The following ADAMTSL3 variants were observed in gnomAD, a reference collection of about 807,000 sequenced individuals.
ADAMTSL3 encodes the protein ADAMTS like 3.
Under a neutral mutation model 201.7 loss-of-function variants are expected in ADAMTSL3, and 128 were observed. That is an observed-to-expected ratio of 0.63 (90% CI 0.55 to 0.73). ADAMTSL3 has a LOEUF of 0.73. Ranked by LOEUF, ADAMTSL3 falls within the 30% of genes least tolerant of loss-of-function variation. The pLI is 0.00. For synonymous variants in ADAMTSL3, 738 were observed against 748.4 expected (o/e 0.99, Z 0.23); for missense variants, 1,990 against 2,119.6 (o/e 0.94, Z 1.20).
chr15:83,833,345 G>A (rs1211420814), intron 6 of ADAMTSL3, among the ~76,000 whole-genome samples: 1 of 152,174 alleles, frequency 6.6e-6, no homozygotes, highest in Non-Finnish European at 1.5e-5. Context: ...CTGGTTCATA[G>A]AGGCTGTGTC....
At chr15:83,905,989 A>G (rs1443803651) in intron 15 of ADAMTSL3, among the ~76,000 whole-genome samples, 1 of 151,994 alleles carries the variant, frequency 6.6e-6, no homozygotes, top group Non-Finnish European at 1.5e-5. Context: ...CACATGTAAT[A>G]TGTAATCTCA....
At chr15:83,905,752 C>T (rs1351785815) in intron 15 of ADAMTSL3, among the ~76,000 whole-genome samples, 3 of 152,134 alleles carry the variant, frequency 2.0e-5, no homozygotes, top group Non-Finnish European at 2.9e-5. Context: ...TATTTTCTGG[C>T]GTGGAATTTC....
At position 83,923,919 on chromosome 15, in the gene ADAMTSL3, T is replaced by C; in HGVS notation, c.2003T>C (p.Ile668Thr). 1.2e-6 allele frequency: 2 copies of C among 1,614,142 alleles called. No individual in the cohort carries two copies. Among genetic ancestry groups the C allele is most frequent in the South Asian group, 1.1e-5 (1 of 91,072 alleles). ...TAACCTGCAGGCCATCAAGAAGCCA[T>C]AGCAGTGTGCTTACATATCCAGACC... ...ATCVGGHQEA[I>T]AVCLHIQTQQ... The change falls in exon 17 of 30, where the codon ATA (isoleucine) becomes ACA (threonine). Residue 668 changes from isoleucine (I) to threonine (T), a missense_variant. Transcript: ENST00000286744.
Position 83,838,963 on chromosome 15 carries a change from C to T in ADAMTSL3, c.727+748C>T, listed in dbSNP as rs144078081. ...ACACAGACACCTGTAAATAGATCAGCATGGCTACATTCCAATGAAACTTTA... is the reference window on the plus strand; with the variant it reads ...ACACAGACACCTGTAAATAGATCAGTATGGCTACATTCCAATGAAACTTTA... On this transcript the variant is annotated intron_variant, in intron 7 of 29. Transcript: ENST00000286744. Among the ~76,000 whole-genome samples the T allele has an allele frequency of 2.0e-4, 31 of 152,330 alleles. No homozygotes were observed. The East Asian group carries it at 5.8e-3, about 28-fold the overall frequency.
chr15:83,910,930 A>G (rs1038213972), intron 15 of ADAMTSL3, among the ~76,000 whole-genome samples: 2 of 151,946 alleles, frequency 1.3e-5, no homozygotes, highest in Non-Finnish European at 2.9e-5. Context: ...GTGAGCCACC[A>G]CGCCTGGCCA....
Position 83,988,747 on chromosome 15 carries a change from A to C in ADAMTSL3, c.3773A>C (p.Gln1258Pro). 6.2e-7 allele frequency: 1 copy of C among 1,609,820 alleles called. No individual in the cohort carries two copies. The highest frequency in any genetic ancestry group is 8.5e-7 in the Non-Finnish European group (1 of 1,177,546). Reference sequence around the variant, plus strand: ...ATACAGAATCCTACAAGGAAAGAACAAGGCATATATGAATGTTCTGTAGCT... The same window carrying C: ...ATACAGAATCCTACAAGGAAAGAACCAGGCATATATGAATGTTCTGTAGCT... ...IQIQNPTRKE[Q>P]GIYECSVANH... The change falls in exon 22 of 30, where the codon CAA becomes CCA. Residue 1258 changes from glutamine (Q) to proline (P), a missense_variant. Coordinates refer to ENST00000286744, the MANE Select transcript of ADAMTSL3 (RefSeq NM_207517.3).
intron 8 of ADAMTSL3, chr15:83,862,805 C>T (rs1261079265): frequency 6.6e-6 from 1 of 152,186 alleles, no homozygotes; most frequent in Non-Finnish European, 1.5e-5. Flanking sequence ...AAATACCCCA[C>T]TTAAAAGACA....
chr15:83,665,721 C>G (rs575273758), intron 2 of ADAMTSL3, among the ~76,000 whole-genome samples: 62 of 152,316 alleles, frequency 4.1e-4, no homozygotes, highest in African/African-American at 1.5e-3. Context: ...AGTTTCCTCT[C>G]CAAGTATTTC....
chr15:83,798,047 GAATTA>G (rs748011250), intron 4 of ADAMTSL3, among the ~76,000 whole-genome samples: 1 of 152,130 alleles, frequency 6.6e-6, no homozygotes, highest in Non-Finnish European at 1.5e-5. Flanking sequence ...AAAAGTGAAT[GAATTA>G]GAGTTACATC....
At chr15:83,763,135 C>T (rs970340887) in intron 3 of ADAMTSL3, among the ~76,000 whole-genome samples, 4 of 152,196 alleles carry the variant, frequency 2.6e-5, no homozygotes, top group Non-Finnish European at 5.9e-5. Context: ...AGTGATTCCC[C>T]CCACCTCAGC....
rs114632453 is a variant in ADAMTSL3 at position 83,882,665 on chromosome 15, T to G, written c.961-2436T>G. 8.2e-3 allele frequency among the ~76,000 whole-genome samples: 1,254 copies of G among 152,316 alleles called. 17 individuals are homozygous for G. The highest frequency in any genetic ancestry group is 0.028 in the African/African-American group (1,179 of 41,574). ...CATCTGATTATAGGTGAATAGCTGA[T>G]AACTGATTACTGATTAATAACTTGG... On this transcript the variant is annotated intron_variant, in intron 9 of 29. Transcript: ENST00000286744.
Position 84,024,113 on chromosome 15 carries a change from G to A in ADAMTSL3, c.4458-1125G>A, listed in dbSNP as rs562494158. On this transcript the variant is annotated intron_variant, in intron 26 of 29. Transcript: ENST00000286744. ...TACTAAAAATACAAAAAAATCAGCC[G>A]GCCATGGTGGCAGGCACCTGTAGTC... Among the ~76,000 whole-genome samples, 19 of 152,108 alleles carry A rather than the reference G, an allele frequency of 1.2e-4. No individual in the cohort carries two copies. The East Asian group carries it at 3.1e-3, about 25-fold the overall frequency.
chr15:83,972,452 C>T (rs1042551050), intron 20 of ADAMTSL3, among the ~76,000 whole-genome samples: 2 of 152,114 alleles, frequency 1.3e-5, no homozygotes, highest in African/African-American at 4.8e-5. Flanking sequence ...TGTGGCTAGA[C>T]TGTAAAAACT....
At chr15:83,852,401 A>T (rs531215269) in intron 7 of ADAMTSL3, among the ~76,000 whole-genome samples, 3 of 152,354 alleles carry the variant, frequency 2.0e-5, no homozygotes, top group Admixed American at 6.5e-5. Context: ...GGCGTGAGCC[A>T]CTGCACCCAG....
chr15:83,813,302 C>T (rs1022610818), intron 5 of ADAMTSL3, among the ~76,000 whole-genome samples: 4 of 152,142 alleles, frequency 2.6e-5, no homozygotes, highest in Non-Finnish European at 5.9e-5. Context: ...ATTCGTTTTC[C>T]ACTACTCCAG....
intron 2 of ADAMTSL3, among the ~76,000 whole-genome samples, chr15:83,671,605 G>C (rs1281251209): frequency 2.0e-5 from 3 of 152,058 alleles, no homozygotes; most frequent in East Asian, 3.9e-4. Flanking sequence ...TTGATAGTTG[G>C]ACATTTTGTA....
In ADAMTSL3 at chr15:83,716,066, G is replaced by A. The variant is rs148259789; in HGVS notation, c.189+11558G>A. ...ATTGACATGGATGTCTTATCCTGTT[G>A]GAGTCAGAACAATCTAGAGTGAGTC... On this transcript the variant is annotated intron_variant, in intron 3 of 29. Coordinates refer to ENST00000286744, the MANE Select transcript of ADAMTSL3 (RefSeq NM_207517.3). 2.2e-4 allele frequency among the ~76,000 whole-genome samples: 33 copies of A among 152,224 alleles called. No individual in the cohort carries two copies. The East Asian group carries it at 2.5e-3, about 12-fold the overall frequency.
intron 16 of ADAMTSL3, among the ~76,000 whole-genome samples, chr15:83,920,966 T>A (rs1258801387): frequency 6.6e-6 from 1 of 152,232 alleles, no homozygotes; most frequent in Non-Finnish European, 1.5e-5. Context: ...CAATCCAAGT[T>A]CTTATAATAA....
intron 21 of ADAMTSL3, among the ~76,000 whole-genome samples, chr15:83,988,452 G>A (rs1251634497): frequency 6.6e-6 from 1 of 152,188 alleles, no homozygotes; most frequent in East Asian, 1.9e-4. Context: ...TGGGAAGACT[G>A]GATCTCTAAG....
Sources: gnomAD v4.1 joint callset for allele counts (sites outside exome capture counted in the v4.1 genomes callset) on GRCh38, gnomAD v4.1.1 for gene constraint, MANE v1.5 for transcripts, NCBI Gene and HGNC (gene_info 2026-07-23, HGNC 2026-07-21) for gene names.